The following C2orf76 variants were observed in gnomAD, a reference collection of about 807,000 sequenced individuals.
C2orf76 encodes chromosome 2 open reading frame 76.
C2orf76 carries 23 observed loss-of-function variants against 16.9 expected under a neutral mutation model. The observed-to-expected ratio is 1.36, with a 90% CI of 0.98 to 1.93. C2orf76 has a LOEUF of 1.93. C2orf76 is among the 30% of genes most tolerant of loss of function. The probability of loss-of-function intolerance (pLI) is 0.00; values close to 1 mark genes in which losing one functional copy is unlikely to be tolerated. For synonymous variants in C2orf76, 48 were observed against 52.3 expected (o/e 0.92, Z 0.35); for missense variants, 152 against 152.6 (o/e 1.00, Z 0.02).
chr2:119,346,459 AAAAT>A (rs1680204666), intron 1 of C2orf76, among the ~76,000 whole-genome samples: 2 of 152,236 alleles, frequency 1.3e-5, no homozygotes, highest in South Asian at 4.1e-4. Flanking sequence ...GTCAGTAATA[AAAAT>A]AAATAAATTA....
chr2:119,321,105 A>C (rs1480593820), intron 3 of C2orf76, 49 bp downstream of exon 3: 19 of 983,192 alleles, frequency 1.9e-5, no homozygotes, highest in Non-Finnish European at 2.5e-5. Context: ...TAACAAACTA[A>C]TGCAAAATTG....
intron 4 of C2orf76, among the ~76,000 whole-genome samples, chr2:119,314,966 G>A (rs1338663677): frequency 4.6e-5 from 7 of 152,100 alleles, no homozygotes; most frequent in African/African-American, 1.2e-4. Flanking sequence ...AAAATTAATC[G>A]CAGAGTTTAG....
At chr2:119,299,817 T>G (rs934743414), downstream of C2orf76, among the ~76,000 whole-genome samples, 1 of 152,236 alleles carries the variant, frequency 6.6e-6, no homozygotes, top group Admixed American at 6.5e-5. Context: ...AAGCCTGGTA[T>G]GCAAATTGAA....
In C2orf76 at chr2:119,311,602, C is replaced by T. The variant is rs1368429543; in HGVS notation, c.304+20G>A. On this transcript the variant is annotated intron_variant, in intron 5 of 5. Transcript: ENST00000334816. ...GCCGGCAGAGGTCCCCCTCCAGCAA[C>T]ACAAGGCCCCCTTCCTCACCGATTC... The T allele has an allele frequency of 6.2e-7, 1 of 1,609,794 alleles. No individual in the cohort carries two copies. Among genetic ancestry groups the T allele is most frequent in the Non-Finnish European group, 8.5e-7 (1 of 1,178,926 alleles).
chr2:119,337,360 T>A (rs1402994770), intron 2 of C2orf76, among the ~76,000 whole-genome samples: 1 of 152,070 alleles, frequency 6.6e-6, no homozygotes, highest in African/African-American at 2.4e-5. Flanking sequence ...TGTGAGCCAC[T>A]GCAGGTGGCC....
chr2:119,360,506 A>C (rs80191108), intron 1 of C2orf76, among the ~76,000 whole-genome samples: 8,378 of 149,364 alleles, frequency 0.056, 428 homozygotes, highest in African/African-American at 0.13. Flanking sequence ...AAAAAGATAT[A>C]TACACCTGTT....
At chr2:119,297,774 G>T (rs1387510112), downstream of C2orf76, among the ~76,000 whole-genome samples, 1 of 152,112 alleles carries the variant, frequency 6.6e-6, no homozygotes, top group African/African-American at 2.4e-5. Flanking sequence ...TGGGATTACA[G>T]GTGTGAGCCA....
At chr2:119,344,374 G>C (rs145545841) in intron 1 of C2orf76, among the ~76,000 whole-genome samples, 2 of 152,232 alleles carry the variant, frequency 1.3e-5, no homozygotes, top group East Asian at 3.9e-4. Flanking sequence ...ATTTTTAAAA[G>C]TATTCCTCAA....
At position 119,321,208 on chromosome 2, in the gene C2orf76, C is replaced by T. The variant is rs1165790575; in HGVS notation, c.134-4G>A. On this transcript the variant is annotated splice_region_variant and splice_polypyrimidine_tract_variant and intron_variant, in intron 2 of 5. Coordinates refer to ENST00000334816, the MANE Select transcript of C2orf76 (RefSeq NM_001322331.2). The stretch of plus-strand genomic sequence containing the variant: ...AGGTTGGTCCTTAAAGGGATATCTA[C>T]AAGAGAAAGATTATTTTTTTACACA... 5.2e-6 allele frequency: 7 copies of T among 1,352,388 alleles called. No homozygotes were observed. The highest frequency in any genetic ancestry group is 2.2e-5 in the Admixed American group (1 of 46,296). 83.8% of individuals were successfully genotyped at this position (1,352,388 alleles called of 1,614,324 possible).
At chr2:119,330,263 G>C (rs1212591034) in intron 2 of C2orf76, among the ~76,000 whole-genome samples, 2 of 151,666 alleles carry the variant, frequency 1.3e-5, no homozygotes, top group South Asian at 2.1e-4. Flanking sequence ...TGTAGTCCCA[G>C]CTACTTGGGA....
At chr2:119,358,188 T>C (rs558031089) in intron 1 of C2orf76, among the ~76,000 whole-genome samples, 31 of 152,156 alleles carry the variant, frequency 2.0e-4, no homozygotes, top group African/African-American at 4.3e-4. Flanking sequence ...AAAGCCAAGA[T>C]AGGTTGAATG....
At chr2:119,295,943 C>G in the C2orf76 span, among the ~76,000 whole-genome samples, 11 of 152,236 alleles carry the variant, frequency 7.2e-5, no homozygotes, top group African/African-American at 2.6e-4. Context: ...ACTATATGAC[C>G]CTCTCGCTGA....
intron 5 of C2orf76, among the ~76,000 whole-genome samples, chr2:119,303,561 TAAGA>T (rs1199280522): frequency 6.6e-6 from 1 of 152,134 alleles, no homozygotes; most frequent in East Asian, 1.9e-4. Context: ...AATAGCATAA[TAAGA>T]AAGGGTGCCA....
At chr2:119,355,974 A>T (rs1230606703) in intron 1 of C2orf76, among the ~76,000 whole-genome samples, 1 of 152,232 alleles carries the variant, frequency 6.6e-6, no homozygotes, top group African/African-American at 2.4e-5. Context: ...AAGAAGTGAA[A>T]TTAAACAATG....
At position 119,315,403 on chromosome 2, in the gene C2orf76, C is replaced by T. The variant is rs182574262; in HGVS notation, c.222+2063G>A. 2.0e-3 allele frequency among the ~76,000 whole-genome samples: 301 copies of T among 152,134 alleles called. 3 individuals are homozygous for T. The highest frequency in any genetic ancestry group is 6.9e-3 in the African/African-American group (287 of 41,504). ...TTTAGAAGTCTCTCCTTTCAGCTGA[C>T]GAAGGAGATTAAAATTACAGCTGAG... On this transcript the variant is annotated intron_variant, in intron 4 of 5. Coordinates refer to ENST00000334816, the MANE Select transcript of C2orf76 (RefSeq NM_001322331.2).
At chr2:119,334,692 G>GAA (rs371801316) in intron 2 of C2orf76, among the ~76,000 whole-genome samples, 9,959 of 129,392 alleles carry the variant, frequency 0.077, 441 homozygotes, top group African/African-American at 0.11. Flanking sequence ...CTCTCTCTCA[G>GAA]AAAAAAACAA....
chr2:119,324,135 G>C (rs1182610606), intron 2 of C2orf76, among the ~76,000 whole-genome samples: 1 of 152,158 alleles, frequency 6.6e-6, no homozygotes, highest in Non-Finnish European at 1.5e-5. Flanking sequence ...GAAACTCCCT[G>C]AAGAAAGCCG....
chr2:119,310,932 G>A (rs1003625200), intron 5 of C2orf76, among the ~76,000 whole-genome samples: 7 of 152,092 alleles, frequency 4.6e-5, no homozygotes, highest in East Asian at 1.9e-4. Flanking sequence ...CACTGCATCC[G>A]TCACCAACCG....
chr2:119,315,527 T>C (rs1679142083), intron 4 of C2orf76, among the ~76,000 whole-genome samples: 1 of 152,176 alleles, frequency 6.6e-6, no homozygotes, highest in African/African-American at 2.4e-5. Context: ...GAAAAATGAC[T>C]GTGAACTGGA....
Sources: allele counts gnomAD v4.1 joint callset (sites outside exome capture counted in the v4.1 genomes callset), GRCh38; gene constraint gnomAD v4.1.1; transcripts MANE v1.5; gene names NCBI Gene and HGNC (gene_info 2026-07-23, HGNC 2026-07-21).